Variants in GTF2H1 observed in about 807,000 individuals in gnomAD.
GTF2H1 encodes the protein general transcription factor IIH subunit 1.
GTF2H1 carries 16 observed loss-of-function variants against 71.2 expected under a neutral mutation model. The ratio of observed to expected loss-of-function variants is 0.22; its 90% CI spans 0.15 to 0.34. GTF2H1 has a LOEUF of 0.34. Among genes scored for constraint, GTF2H1 ranks in the 10% least tolerant of loss-of-function variants. The pLI is 1.00. For synonymous variants in GTF2H1, 215 were observed against 219.0 expected, an observed-to-expected ratio of 0.98 and a Z score of 0.16; for missense variants, 498 against 648.2, an observed-to-expected ratio of 0.77 and a Z score of 2.52.
At position 18,345,042 on chromosome 11, in the gene GTF2H1, T is replaced by G. The variant is rs536633279; in HGVS notation, c.838-2546T>G. Among the ~76,000 whole-genome samples, 4 of 151,760 alleles carry G rather than the reference T, an allele frequency of 2.6e-5. No individual in the cohort carries two copies. The South Asian group carries it at 8.3e-4, about 32-fold the overall frequency. On this transcript the variant is annotated intron_variant, in intron 7 of 14. Coordinates refer to ENST00000265963, the MANE Select transcript of GTF2H1 (RefSeq NM_005316.4). The stretch of plus-strand genomic sequence containing the variant: ...ACTTTTTTTTTTTTTAATTTAAAAA[T>G]TAGCTGGGCATAGTGGTATACACTT...
intron 9 of GTF2H1, 187 bp from the exon 10 acceptor site, chr11:18,351,694 C>G (rs1865429738): frequency 2.3e-6 from 1 of 431,798 alleles, no homozygotes; most frequent in African/African-American, 2.0e-5. Context: ...TGTAAGAAAA[C>G]TAGTATTCTT....
chr11:18,328,046 A>G (rs1292032133), intron 1 of GTF2H1, among the ~76,000 whole-genome samples: 4 of 151,958 alleles, frequency 2.6e-5, no homozygotes, highest in Admixed American at 6.6e-5. Context: ...TACTAAACAT[A>G]CAAAAATTAG....
intron 1 of GTF2H1, among the ~76,000 whole-genome samples, chr11:18,324,560 G>A (rs1157037490): frequency 6.6e-6 from 1 of 152,148 alleles, no homozygotes. Flanking sequence ...GCTTCTCTGT[G>A]CTATTTTATT....
intron 1 of GTF2H1, chr11:18,324,217 A>G (rs1864698987): frequency 6.6e-6 from 1 of 152,218 alleles, no homozygotes; most frequent in Non-Finnish European, 1.5e-5. Flanking sequence ...TGCCTGGCTA[A>G]TTTTTGTATT....
At chr11:18,358,765 G>A (rs533860897) in intron 13 of GTF2H1, 125 bp downstream of exon 13, 11 of 627,000 alleles carry the variant, frequency 1.8e-5, no homozygotes, top group South Asian at 7.9e-5. Context: ...TGCATACATC[G>A]TTTCATGTAA....
chr11:18,343,759 A>G (rs1865218837), intron 7 of GTF2H1, among the ~76,000 whole-genome samples: 2 of 152,204 alleles, frequency 1.3e-5, no homozygotes, highest in East Asian at 1.9e-4. Context: ...ACGTATCTCC[A>G]TGGGTATTCC....
At chr11:18,347,972 T>A (rs1224185962) in intron 9 of GTF2H1, 53 bp downstream of exon 9, 1 of 1,102,402 alleles carries the variant, frequency 9.1e-7, no homozygotes, top group East Asian at 2.4e-5. Context: ...CCAAATACTT[T>A]ATGTGACTGC....
chr11:18,339,540 A>G (rs1279272151), intron 4 of GTF2H1, 24 bp from the exon 5 acceptor site: 1 of 1,512,698 alleles, frequency 6.6e-7, no homozygotes, highest in Non-Finnish European at 9.2e-7. Context: ...TCTAACGTGT[A>G]TGTGTGTATG....
At chr11:18,331,178 T>C (rs1864886632) in intron 1 of GTF2H1, among the ~76,000 whole-genome samples, 1 of 152,074 alleles carries the variant, frequency 6.6e-6, no homozygotes, top group African/African-American at 2.4e-5. Context: ...CGCTTCAGCA[T>C]TCCAAGTAGC....
chr11:18,345,793 T>C (rs1007654406), intron 7 of GTF2H1, among the ~76,000 whole-genome samples: 2 of 120,750 alleles, frequency 1.7e-5, no homozygotes, highest in South Asian at 2.9e-4. Context: ...CCAGCACATA[T>C]GAGTTTTTTT....
At chr11:18,338,082 T>TTA (rs1180772100) in intron 3 of GTF2H1, 27 bp from the exon 4 acceptor site, 2 of 1,537,336 alleles carry the variant, frequency 1.3e-6, no homozygotes, top group Admixed American at 3.4e-5. Context: ...AGAAGTTCAG[T>TTA]TATATTCAGT....
At chr11:18,323,283 A>G (rs1864595994) in intron 1 of GTF2H1, among the ~76,000 whole-genome samples, 1 of 152,034 alleles carries the variant, frequency 6.6e-6, no homozygotes, top group Non-Finnish European at 1.5e-5. Flanking sequence ...GCCAAATTAA[A>G]TAAGGAGGTG....
At chr11:18,344,151 T>C (rs1354558662) in intron 7 of GTF2H1, among the ~76,000 whole-genome samples, 3 of 152,038 alleles carry the variant, frequency 2.0e-5, no homozygotes, top group Admixed American at 6.6e-5. Context: ...ATGTCCAGCA[T>C]TCAGTGTATC....
intron 11 of GTF2H1, 43 bp downstream of exon 11, chr11:18,352,489 C>A (rs369494976): frequency 2.5e-6 from 2 of 788,754 alleles, no homozygotes; most frequent in Non-Finnish European, 4.6e-6. Context: ...TCCCATAGTT[C>A]CTTCCTCAGT....
intron 9 of GTF2H1, 78 bp downstream of exon 9, chr11:18,347,997 C>A: frequency 1.1e-6 from 1 of 909,232 alleles, no homozygotes; most frequent in Non-Finnish European, 1.8e-6. Flanking sequence ...ACTGTATACG[C>A]TTATTTCCTG....
intron 11 of GTF2H1, among the ~76,000 whole-genome samples, chr11:18,356,895 A>G (rs1383809855): frequency 2.0e-5 from 3 of 149,552 alleles, no homozygotes; most frequent in Admixed American, 6.7e-5. Flanking sequence ...GGCTCAAATG[A>G]TCTTCTCATC....
intron 4 of GTF2H1, 43 bp from the exon 5 acceptor site, chr11:18,339,521 C>G: frequency 7.3e-7 from 1 of 1,376,370 alleles, no homozygotes; most frequent in Non-Finnish European, 1.0e-6. Flanking sequence ...AGCCATCTTT[C>G]CCTGATGCTC....
intron 3 of GTF2H1, among the ~76,000 whole-genome samples, chr11:18,336,904 G>A (rs776014192): frequency 2.0e-5 from 3 of 151,860 alleles, no homozygotes; most frequent in Admixed American, 6.6e-5. Context: ...ACAGGCACAC[G>A]CCACCACACT....
Position 18,365,916 on chromosome 11 carries a change from C to G in GTF2H1, c.*47C>G. The G allele has an allele frequency of 1.5e-6, 2 of 1,306,498 alleles. No individual in the cohort carries two copies. The allele number at this position is 1,306,498 out of a possible 1,614,324, so 80.9% of individuals were successfully genotyped here. Reference sequence around the variant, plus strand: ...TTTTGTGAGATTGAGAGAACTATGACCTGCAGCAACTCTGGAAACCTGGCC... The same window carrying G: ...TTTTGTGAGATTGAGAGAACTATGAGCTGCAGCAACTCTGGAAACCTGGCC... On this transcript the variant is annotated 3_prime_UTR_variant, in exon 15 of 15. Transcript: ENST00000265963.
Sources: gnomAD v4.1 joint callset for allele counts (sites outside exome capture counted in the v4.1 genomes callset) on GRCh38, gnomAD v4.1.1 for gene constraint, MANE v1.5 for transcripts, NCBI Gene and HGNC (gene_info 2026-07-23, HGNC 2026-07-21) for gene names.